TMEM232: variants seen among roughly 807,000 people sequenced by gnomAD.
The protein encoded by TMEM232 is transmembrane protein 232.
In TMEM232, 80 loss-of-function variants were observed where a neutral mutation model predicts 78.8. The observed-to-expected ratio is 1.01, with a 90% CI of 0.85 to 1.22. The LOEUF (loss-of-function observed/expected upper bound fraction) is 1.22. Ranked by LOEUF, TMEM232 falls within the 50% of genes most tolerant of loss-of-function variation. TMEM232 has a pLI of 0.00. For synonymous variants in TMEM232, 297 were observed against 254.3 expected (o/e 1.17, Z -1.60); for missense variants, 881 against 742.2 (o/e 1.19, Z -2.17).
chr5:110,604,987 T>C (rs1781364771), intron 10 of TMEM232, 122 bp downstream of exon 10: 4 of 1,183,890 alleles, frequency 3.4e-6, no homozygotes, highest in Non-Finnish European at 4.6e-6. Context: ...TCTTCCAAAA[T>C]TTGTAAAATT....
At chr5:110,456,223 G>T (rs950415477) in intron 12 of TMEM232, among the ~76,000 whole-genome samples, 19 of 152,108 alleles carry the variant, frequency 1.2e-4, no homozygotes, top group African/African-American at 4.6e-4. Flanking sequence ...AAGGTTTAGT[G>T]ATAAAAGGCC....
At chr5:110,538,815 G>T (rs1772732313) in intron 11 of TMEM232, among the ~76,000 whole-genome samples, 1 of 146,678 alleles carries the variant, frequency 6.8e-6, no homozygotes, top group Non-Finnish European at 1.5e-5. Flanking sequence ...AAATTCAGTT[G>T]TTTTTTTTTT....
intron 2 of TMEM232, among the ~76,000 whole-genome samples, chr5:110,646,316 A>C (rs1406924186): frequency 1.3e-5 from 2 of 151,834 alleles, no homozygotes; most frequent in East Asian, 3.9e-4. Flanking sequence ...ACATTTCCTG[A>C]CTTCAAAATA....
chr5:110,710,649 A>C (rs1466414173), intron 1 of TMEM232, among the ~76,000 whole-genome samples: 1 of 152,150 alleles, frequency 6.6e-6, no homozygotes, highest in Non-Finnish European at 1.5e-5. Flanking sequence ...AAAACGATAC[A>C]ATTATTTCAA....
At chr5:110,525,453 A>G (rs1302402692) in intron 12 of TMEM232, among the ~76,000 whole-genome samples, 2 of 151,970 alleles carry the variant, frequency 1.3e-5, no homozygotes, top group Non-Finnish European at 2.9e-5. Flanking sequence ...TTATATTAGC[A>G]ACAAAAGAGA....
chr5:110,703,022 A>C (rs1356043789), intron 1 of TMEM232, among the ~76,000 whole-genome samples: 1 of 152,076 alleles, frequency 6.6e-6, no homozygotes, highest in African/African-American at 2.4e-5. Flanking sequence ...TTACAAAAAA[A>C]TAAGTGGCTA....
intron 1 of TMEM232, among the ~76,000 whole-genome samples, chr5:110,674,514 C>G (rs1044152972): frequency 6.6e-6 from 1 of 152,102 alleles, no homozygotes; most frequent in Non-Finnish European, 1.5e-5. Context: ...ATATGTATGT[C>G]TAATGAAGCA....
In TMEM232 at chr5:110,484,884, G is replaced by C. The variant is rs140120129; in HGVS notation, c.1703+43704C>G. ...TAACTGACAATTCAACAACGGTCAAGACCTCAACACCCTACTTTCAGCATT... is the reference window on the plus strand; with the variant it reads ...TAACTGACAATTCAACAACGGTCAACACCTCAACACCCTACTTTCAGCATT... On this transcript the variant is annotated intron_variant, in intron 12 of 13. Coordinates refer to ENST00000455884, the MANE Select transcript of TMEM232 (RefSeq NM_001039763.4). Among the ~76,000 whole-genome samples the C allele has an allele frequency of 7.9e-3, 1,194 of 151,932 alleles. 9 individuals carry two copies. Among genetic ancestry groups the C allele is most frequent in the Non-Finnish European group, 8.9e-3 (607 of 67,926 alleles).
chr5:110,626,804 T>C (rs894211366), intron 6 of TMEM232, among the ~76,000 whole-genome samples: 8 of 152,074 alleles, frequency 5.3e-5, no homozygotes, highest in African/African-American at 1.9e-4. Context: ...GACCTTCTAC[T>C]ATTTAATACT....
chr5:110,464,711 T>C (rs970538647), intron 12 of TMEM232, among the ~76,000 whole-genome samples: 1 of 152,208 alleles, frequency 6.6e-6, no homozygotes, highest in African/African-American at 2.4e-5. Flanking sequence ...GAGCATTACA[T>C]TTTGAACAAA....
chr5:110,465,066 C>T (rs1761930389), intron 12 of TMEM232, among the ~76,000 whole-genome samples: 1 of 152,124 alleles, frequency 6.6e-6, no homozygotes, highest in Admixed American at 6.5e-5. Flanking sequence ...TCTAACAAAT[C>T]GACAAAGGAT....
upstream of TMEM232, chr5:110,726,947 T>G (rs1310531193): frequency 6.6e-6 from 1 of 152,174 alleles, no homozygotes; most frequent in Non-Finnish European, 1.5e-5. Flanking sequence ...GTCTCCTCAG[T>G]GTCTTAATGC....
chr5:110,688,719 C>G (rs1180701471), intron 1 of TMEM232, among the ~76,000 whole-genome samples: 1 of 152,150 alleles, frequency 6.6e-6, no homozygotes, highest in Non-Finnish European at 1.5e-5. Context: ...TTTGGGACCC[C>G]AAACTCATTT....
chr5:110,468,289 CATAAA>C (rs1177774519), intron 12 of TMEM232, among the ~76,000 whole-genome samples: 3 of 149,884 alleles, frequency 2.0e-5, no homozygotes, highest in Middle Eastern at 3.3e-3. Flanking sequence ...CATATAAGAG[CATAAA>C]ATAATGTTTT....
At chr5:110,591,511 A>G (rs1213944468) in intron 10 of TMEM232, among the ~76,000 whole-genome samples, 1 of 152,222 alleles carries the variant, frequency 6.6e-6, no homozygotes, top group Admixed American at 6.5e-5. Flanking sequence ...TTCTCACTAT[A>G]ATAATATTAA....
chr5:110,444,585 T>C (rs1384182898), intron 12 of TMEM232, among the ~76,000 whole-genome samples: 1 of 152,218 alleles, frequency 6.6e-6, no homozygotes, highest in Admixed American at 6.5e-5. Context: ...GGTGTTCCTG[T>C]GGGGGATGGT....
intron 10 of TMEM232, among the ~76,000 whole-genome samples, chr5:110,587,691 A>ATATG (rs1209205049): frequency 0.019 from 1,176 of 62,964 alleles, 10 homozygotes; most frequent in Middle Eastern, 0.022. Flanking sequence ...ATATATATAT[A>ATATG]TGTGTGTGTG....
chr5:110,458,748 T>C (rs1761164941), intron 12 of TMEM232, among the ~76,000 whole-genome samples: 1 of 152,214 alleles, frequency 6.6e-6, no homozygotes, highest in Non-Finnish European at 1.5e-5. Context: ...GCTTAAAAAA[T>C]ATTTTTATAT....
At chr5:110,640,408 T>A (rs1045060686) in intron 4 of TMEM232, among the ~76,000 whole-genome samples, 5 of 135,516 alleles carry the variant, frequency 3.7e-5, no homozygotes, top group Admixed American at 2.8e-4. Context: ...CGTTGTTTAA[T>A]TTTTTTTTTA....
Sources: gnomAD v4.1 joint callset for allele counts (sites outside exome capture counted in the v4.1 genomes callset) on GRCh38, gnomAD v4.1.1 for gene constraint, MANE v1.5 for transcripts, NCBI Gene and HGNC (gene_info 2026-07-23, HGNC 2026-07-21) for gene names.